TTC3: variants seen among roughly 807,000 people sequenced by gnomAD.
The protein encoded by TTC3 is tetratricopeptide repeat domain 3, also known as E3 ubiquitin-protein ligase TTC3.
In TTC3, 180 loss-of-function variants were observed where a neutral mutation model predicts 249.6. The observed-to-expected ratio is 0.72, with a 90% CI of 0.64 to 0.82. The LOEUF (loss-of-function observed/expected upper bound fraction) is 0.82. Ranked by LOEUF, TTC3 falls within the 40% of genes least tolerant of loss-of-function variation. TTC3 has a pLI of 0.00. For synonymous variants in TTC3, 717 were observed against 805.0 expected (o/e 0.89, Z 1.85); for missense variants, 2,061 against 2,398.4 (o/e 0.86, Z 2.94).
At chr21:37,103,260 A>T (rs1252740110) in intron 10 of TTC3, among the ~76,000 whole-genome samples, 2 of 152,228 alleles carry the variant, frequency 1.3e-5, no homozygotes, top group Admixed American at 6.5e-5. Flanking sequence ...GGAGAAATAA[A>T]AACACTTCCC....
intron 27 of TTC3, among the ~76,000 whole-genome samples, chr21:37,155,092 T>A (rs915732778): frequency 6.6e-6 from 1 of 152,214 alleles, no homozygotes; most frequent in African/African-American, 2.4e-5. Context: ...AGTTGTGAAA[T>A]GAGTTCAAGC....
At chr21:37,116,499 AT>A (rs1378442979) in intron 11 of TTC3, among the ~76,000 whole-genome samples, 3 of 152,148 alleles carry the variant, frequency 2.0e-5, no homozygotes, top group Admixed American at 2.0e-4. Context: ...AATTATAAAA[AT>A]ATTTTTTTTT....
rs767879074 is a variant in TTC3 at position 37,147,483 on chromosome 21, G to A, written c.1896G>A (p.Met632Ile). ...CATTTTTGTTTATTTTGTTTTAGAT[G>A]CTGTTAGAGAAATTTGTTGAAGAAT... Residue 632 changes from methionine to isoleucine, a missense_variant and splice_region_variant, in exon 22 of 46, where the codon ATG becomes ATA. This residue lies in a region of TTC3 where 989 missense variants were observed against 1,145.1 expected (regional missense o/e 0.86). Transcript: ENST00000355666. 3.7e-6 allele frequency: 6 copies of A among 1,602,756 alleles called. No individual in the cohort carries two copies. In the African/African-American group the frequency reaches 8.1e-5, roughly 22 times the overall value.
chr21:37,114,173 C>T (rs1366654860), intron 11 of TTC3, among the ~76,000 whole-genome samples: 1 of 151,674 alleles, frequency 6.6e-6, no homozygotes, highest in African/African-American at 2.4e-5. Flanking sequence ...GCAACAAAAG[C>T]CAAAATTGAC....
At chr21:37,117,621 C>T (rs917574015) in intron 11 of TTC3, among the ~76,000 whole-genome samples, 6 of 152,002 alleles carry the variant, frequency 3.9e-5, no homozygotes, top group Non-Finnish European at 5.9e-5. Context: ...ACCTGGCGCT[C>T]ACTCCTGTAA....
chr21:37,185,771 TC>T lies in TTC3; in HGVS notation c.4824del (p.Ser1609AlafsTer9). The T allele has an allele frequency of 6.5e-7, 1 of 1,533,524 alleles. No homozygotes were observed. The highest frequency in any genetic ancestry group is 1.3e-5 in the South Asian group (1 of 74,818). The allele number at this position is 1,533,524 out of a possible 1,614,324, so 95.0% of individuals were successfully genotyped here. On this transcript the variant is annotated frameshift_variant and splice_region_variant, in exon 37 of 46. Coordinates refer to ENST00000355666, the Ensembl canonical transcript of TTC3. LOFTEE classifies it high-confidence loss of function. ...TTACATCTGGATCAGTCCCTTGAAA[TC>T]AGGCAAATTAAGCTTAAATTTATTT... is the stretch of plus-strand genomic sequence containing the variant.
intron 1 of TTC3, chr21:37,086,964 A>G (rs1377633730): frequency 9.6e-6 from 3 of 313,152 alleles, no homozygotes; most frequent in Admixed American, 4.5e-5. Flanking sequence ...GATGCCCTTG[A>G]TGATCCTCTA....
At chr21:37,109,339 T>C (rs2075383794) in intron 11 of TTC3, among the ~76,000 whole-genome samples, 1 of 152,210 alleles carries the variant, frequency 6.6e-6, no homozygotes, top group Admixed American at 6.5e-5. Context: ...AGATGGCACC[T>C]GGAAAATTGG....
chr21:37,160,915 A>G, intron 30 of TTC3, 57 bp downstream of exon 30: 1 of 1,525,568 alleles, frequency 6.6e-7, no homozygotes, highest in Middle Eastern at 1.7e-4. Flanking sequence ...AGTTAGTTGG[A>G]CATATACATT....
intron 11 of TTC3, among the ~76,000 whole-genome samples, chr21:37,116,318 T>G (rs1458112856): frequency 6.6e-6 from 1 of 152,178 alleles, no homozygotes; most frequent in Non-Finnish European, 1.5e-5. Context: ...AGTGTTTGCT[T>G]CTGGGCAGTA....
chr21:37,183,982 G>A (rs967070083), intron 36 of TTC3, among the ~76,000 whole-genome samples: 3 of 152,112 alleles, frequency 2.0e-5, no homozygotes, highest in Admixed American at 1.3e-4. Context: ...TTTCCATGCC[G>A]CATGCCATAT....
intron 20 of TTC3, among the ~76,000 whole-genome samples, chr21:37,142,024 A>C (rs1028137864): frequency 6.6e-6 from 1 of 152,232 alleles, no homozygotes; most frequent in African/African-American, 2.4e-5. Flanking sequence ...CAATAGATGC[A>C]GAGAAGGCCT....
intron 1 of TTC3, chr21:37,083,155 T>A (rs1294311880): frequency 2.0e-6 from 2 of 985,362 alleles, no homozygotes; most frequent in Non-Finnish European, 2.4e-6. Flanking sequence ...AGGAAATGCT[T>A]CCTGAAATTG....
At chr21:37,134,027 A>G (rs2077702761) in intron 17 of TTC3, among the ~76,000 whole-genome samples, 1 of 152,240 alleles carries the variant, frequency 6.6e-6, no homozygotes, top group Non-Finnish European at 1.5e-5. Flanking sequence ...CTAGTATATC[A>G]TCATTTATAA....
intron 11 of TTC3, among the ~76,000 whole-genome samples, chr21:37,120,213 G>C (rs1302334914): frequency 6.6e-6 from 1 of 152,202 alleles, no homozygotes; most frequent in African/African-American, 2.4e-5. Flanking sequence ...ATGTGTGATA[G>C]AGAATGAGAT....
At position 37,099,267 on chromosome 21, in the gene TTC3, A is replaced by G. The variant is rs989920190; in HGVS notation, c.845+2624A>G. ...AAATAATAATACTGTATCTTACAAC[A>G]TGGTTATCACTGTTCTGAGCATTTA... On this transcript the variant is annotated intron_variant, in intron 10 of 45. Coordinates refer to ENST00000355666, the Ensembl canonical transcript of TTC3. 8.5e-5 allele frequency among the ~76,000 whole-genome samples: 13 copies of G among 152,256 alleles called. 1 individual carries two copies. Among genetic ancestry groups the G allele is most frequent in the African/African-American group, 3.1e-4 (13 of 41,466 alleles).
At chr21:37,163,710 A>G (rs2080989048) in intron 31 of TTC3, among the ~76,000 whole-genome samples, 1 of 152,220 alleles carries the variant, frequency 6.6e-6, no homozygotes, top group Non-Finnish European at 1.5e-5. Flanking sequence ...GTTAATTTAT[A>G]GCAGTTATAA....
intron 1 of TTC3, among the ~76,000 whole-genome samples, chr21:37,075,840 C>G (rs1486262037): frequency 1.3e-5 from 2 of 152,034 alleles, no homozygotes; most frequent in East Asian, 3.9e-4. Context: ...AAATATGTAC[C>G]TCTTTAGTGG....
chr21:37,111,380 G>A (rs1020459541), intron 11 of TTC3, among the ~76,000 whole-genome samples: 52 of 152,036 alleles, frequency 3.4e-4, no homozygotes, highest in Admixed American at 2.8e-3. Context: ...AATGGAAAAC[G>A]AAAAAAGGCA....
Sources: allele counts gnomAD v4.1 joint callset (sites outside exome capture counted in the v4.1 genomes callset), GRCh38; gene constraint gnomAD v4.1.1; regional missense constraint gnomAD v4.1.1; transcripts MANE v1.5; gene names NCBI Gene and HGNC (gene_info 2026-07-23, HGNC 2026-07-21).